The following TATDN1 variants were observed in gnomAD, a reference collection of about 807,000 sequenced individuals.
TATDN1 encodes TatD DNase domain containing 1, also known as deoxyribonuclease TATDN1.
TATDN1 carries 40 observed loss-of-function variants against 46.4 expected under a neutral mutation model. The ratio of observed to expected loss-of-function variants is 0.86; its 90% CI spans 0.67 to 1.12. The LOEUF is 1.12. Ranked by LOEUF, TATDN1 falls within the 50% of genes most tolerant of loss-of-function variation. TATDN1 has a pLI of 0.00. For synonymous variants in TATDN1, 95 were observed against 105.6 expected, an observed-to-expected ratio of 0.90 and a Z score of 0.62; for missense variants, 326 against 348.4, an observed-to-expected ratio of 0.94 and a Z score of 0.51.
At chr8:124,504,905 C>T (rs1242295403) in intron 8 of TATDN1, among the ~76,000 whole-genome samples, 1 of 150,820 alleles carries the variant, frequency 6.6e-6, no homozygotes, top group African/African-American at 2.4e-5. Context: ...CGCCACCACG[C>T]CTGGCTAATT....
At chr8:124,506,695 T>C (rs1477253979) in intron 8 of TATDN1, among the ~76,000 whole-genome samples, 2 of 152,232 alleles carry the variant, frequency 1.3e-5, no homozygotes, top group Non-Finnish European at 2.9e-5. Flanking sequence ...TGCTTGGTGC[T>C]ATTTCCTCTT....
intron 1 of TATDN1, among the ~76,000 whole-genome samples, chr8:124,532,660 C>T (rs1190525315): frequency 1.3e-5 from 2 of 152,182 alleles, no homozygotes; most frequent in African/African-American, 4.8e-5. Context: ...AAATCATGGG[C>T]AACTCCAAAG....
chr8:124,518,653 G>A (rs1432249757), intron 4 of TATDN1, 165 bp downstream of exon 4: 2 of 599,840 alleles, frequency 3.3e-6, no homozygotes, highest in African/African-American at 3.7e-5. Flanking sequence ...ATATACCAAT[G>A]AGTACTTTGA....
chr8:124,509,390 A>C (rs1298136967), intron 6 of TATDN1, among the ~76,000 whole-genome samples: 2 of 152,188 alleles, frequency 1.3e-5, no homozygotes, highest in Admixed American at 1.3e-4. Context: ...CTAAACGACA[A>C]AAACCTGTTA....
At chr8:124,526,416 G>A (rs1401268002) in intron 1 of TATDN1, among the ~76,000 whole-genome samples, 1 of 152,186 alleles carries the variant, frequency 6.6e-6, no homozygotes, top group Non-Finnish European at 1.5e-5. Flanking sequence ...GACAAATACT[G>A]TATGAAAACC....
At chr8:124,508,578 G>A (rs1659116916) in intron 7 of TATDN1, 25 bp downstream of exon 7, 1 of 1,605,698 alleles carries the variant, frequency 6.2e-7, no homozygotes, top group Admixed American at 1.7e-5. Flanking sequence ...CTTAAGTTCT[G>A]AATGAGACTT....
intron 8 of TATDN1, among the ~76,000 whole-genome samples, chr8:124,508,165 A>G (rs1298012434): frequency 3.9e-5 from 6 of 152,134 alleles, no homozygotes; most frequent in Non-Finnish European, 8.8e-5. Flanking sequence ...CATATTTCAG[A>G]TTTTTTCAGA....
At chr8:124,525,810 T>C (rs1387432133) in intron 1 of TATDN1, among the ~76,000 whole-genome samples, 1 of 152,132 alleles carries the variant, frequency 6.6e-6, no homozygotes, top group Non-Finnish European at 1.5e-5. Flanking sequence ...TTTTGAACAT[T>C]AAGACTCATG....
chr8:124,489,639 T>G (rs754221350), intron 11 of TATDN1: 1 of 152,180 alleles, frequency 6.6e-6, no homozygotes, highest in African/African-American at 2.4e-5. Context: ...GGTCTTGAAC[T>G]CCTGACCTTG....
At chr8:124,497,290 T>TC (rs1036707060) in intron 9 of TATDN1, among the ~76,000 whole-genome samples, 2 of 145,240 alleles carry the variant, frequency 1.4e-5, no homozygotes, top group African/African-American at 5.1e-5. Context: ...TTCTTCTTCT[T>TC]TTTTTTTTTT....
intron 1 of TATDN1, among the ~76,000 whole-genome samples, chr8:124,533,365 C>T (rs545216242): frequency 6.6e-6 from 1 of 152,080 alleles, no homozygotes; most frequent in Admixed American, 6.5e-5. Context: ...CTTAAAGATG[C>T]TGAGTGAGGG....
At position 124,525,483 on chromosome 8, in the gene TATDN1, C is replaced by T. The variant is rs187654290; in HGVS notation, c.23-2481G>A. On this transcript the variant is annotated intron_variant, in intron 1 of 11. Coordinates refer to ENST00000276692, the MANE Select transcript of TATDN1 (RefSeq NM_032026.4). ...ATTCTTGTACCCTCGCACTGCTGGCCCAGATAGTCACAGCTCACCCGCAAC... is the reference window on the plus strand; with the variant it reads ...ATTCTTGTACCCTCGCACTGCTGGCTCAGATAGTCACAGCTCACCCGCAAC... Among the ~76,000 whole-genome samples, 458 of 152,206 alleles carry T rather than the reference C, an allele frequency of 3.0e-3. 4 individuals are homozygous for T. The highest frequency in any genetic ancestry group is 6.8e-3 in the Middle Eastern group (2 of 294).
chr8:124,506,334 CAAA>C (rs56023168), intron 8 of TATDN1, among the ~76,000 whole-genome samples: 2 of 52,524 alleles, frequency 3.8e-5, no homozygotes, highest in Admixed American at 2.4e-4. Context: ...GGCTCTGTCT[CAAA>C]AAAAAAAAAA....
At chr8:124,534,719 C>T (rs1821284784) in intron 1 of TATDN1, among the ~76,000 whole-genome samples, 1 of 152,164 alleles carries the variant, frequency 6.6e-6, no homozygotes, top group Non-Finnish European at 1.5e-5. Flanking sequence ...CTGGATATAA[C>T]ATCAGACCGC....
intron 1 of TATDN1, among the ~76,000 whole-genome samples, chr8:124,529,671 G>A (rs1243284825): frequency 6.6e-6 from 1 of 152,196 alleles, no homozygotes; most frequent in Non-Finnish European, 1.5e-5. Flanking sequence ...CATTTCTCTT[G>A]CAAGCTTTCC....
intron 11 of TATDN1, among the ~76,000 whole-genome samples, chr8:124,490,754 GT>G (rs71289672): frequency 0.36 from 51,386 of 144,556 alleles, 9,272 homozygotes; most frequent in Non-Finnish European, 0.42. Flanking sequence ...ACAGGTTTTT[GT>G]TTTTTTTTTT....
chr8:124,515,273 C>T (rs563034732), intron 6 of TATDN1, among the ~76,000 whole-genome samples: 2 of 152,102 alleles, frequency 1.3e-5, no homozygotes, highest in East Asian at 1.9e-4. Context: ...CCCAGCTACT[C>T]GGGAGGCTGA....
chr8:124,533,400 A>C (rs1208709806), intron 1 of TATDN1, among the ~76,000 whole-genome samples: 1 of 152,164 alleles, frequency 6.6e-6, no homozygotes, highest in African/African-American at 2.4e-5. Flanking sequence ...GCCTAAATTG[A>C]ATGAGAAACA....
At chr8:124,497,515 T>G (rs56942034) in intron 9 of TATDN1, among the ~76,000 whole-genome samples, 23,360 of 152,018 alleles carry the variant, frequency 0.15, 2,240 homozygotes, top group Admixed American at 0.24. Context: ...TCGAACTTCT[T>G]ACCTCAGGCG....
Sources: gnomAD v4.1 joint callset for allele counts (sites outside exome capture counted in the v4.1 genomes callset) on GRCh38, gnomAD v4.1.1 for gene constraint, MANE v1.5 for transcripts, NCBI Gene and HGNC (gene_info 2026-07-23, HGNC 2026-07-21) for gene names.